MRI1: variants seen among roughly 807,000 people sequenced by gnomAD.
The protein encoded by MRI1 is methylthioribose-1-phosphate isomerase 1, also known as methylthioribose-1-phosphate isomerase.
A neutral mutation model predicts 27.3 loss-of-function variants in MRI1; 32 were observed. The observed-to-expected ratio is 1.17, with a 90% CI of 0.88 to 1.57. MRI1 has a LOEUF of 1.57. MRI1 is among the 40% of genes most tolerant of loss of function. The pLI is 0.00. For synonymous variants in MRI1, 216 were observed against 227.4 expected (o/e 0.95, Z 0.45); for missense variants, 508 against 516.1 (o/e 0.98, Z 0.15).
At chr19:13,766,861 G>C (rs565487993) in intron 3 of MRI1, among the ~76,000 whole-genome samples, 2 of 151,584 alleles carry the variant, frequency 1.3e-5, no homozygotes, top group South Asian at 4.2e-4. Flanking sequence ...GAAGCAGAAG[G>C]AACAGTCAAC....
rs34059821 is a variant in MRI1, at chr19:13,773,382, G to GT, written c.*1102dup. On this transcript the variant is annotated 3_prime_UTR_variant, in exon 6 of 6. Transcript: ENST00000040663. ...AGGCCAGGCTTGGTGGCTCATGCCT[G>GT]TAATTCCAGCACTTTGGGAGGATCC... 0.13 allele frequency: 20,297 copies of GT among 152,082 alleles called. 1,654 individuals are homozygous for GT. The highest frequency in any genetic ancestry group is 0.24 in the East Asian group (1,239 of 5,108). 9.4% of individuals were successfully genotyped at this position (152,082 alleles called of 1,614,324 possible). A position where few individuals can be genotyped will look rare whatever the true frequency, so the allele number is the denominator to read the frequency against.
chr19:13,768,447 G>T (rs142646684), intron 3 of MRI1, 114 bp from the exon 4 acceptor site: 9 of 1,562,948 alleles, frequency 5.8e-6, no homozygotes, highest in Admixed American at 1.9e-5. Context: ...GACTGTGCTC[G>T]GTAAGCCTTT....
chr19:13,768,713 G>A lies in MRI1; in HGVS notation c.700G>A (p.Ala234Thr). 1.2e-6 allele frequency: 2 copies of A among 1,613,752 alleles called. No individual in the cohort carries two copies. Among genetic ancestry groups the A allele is most frequent in the Non-Finnish European group, 1.7e-6 (2 of 1,179,954 alleles). The change falls in exon 4 of 6, where the codon GCC (alanine) becomes ACC (threonine). Residue 234 changes from alanine (A) to threonine (T), a missense_variant. Physicochemically the swap from Ala to Thr is moderately conservative, Grantham distance 58. Around this residue, in one of 3 missense-constraint regions of MRI1, gnomAD observed 457 missense variants for 452.8 expected, o/e 1.01. Transcript: ENST00000040663. ...TATCACCGACAGCATGGTGGCTGCT[G>A]CCATGGCCCATAGGGGCGTGTCAGG... The part of the protein sequence containing the change: ...TLITDSMVAA[A>T]MAHRGVSAVV...
Position 13,772,376 on chromosome 19 carries a change from T to TGTTC in MRI1, c.*96_*99dup. ...TGACCGTCCAGCCCCTGACCACACT[T>TGTTC]GTTCCTAGTGCAGGGAGCTCAGACA... On this transcript the variant is annotated 3_prime_UTR_variant, in exon 6 of 6. Transcript: ENST00000040663. The TGTTC allele has an allele frequency of 8.0e-7, 1 of 1,243,324 alleles. No individual in the cohort carries two copies. The highest frequency in any genetic ancestry group is 1.1e-6 in the Non-Finnish European group (1 of 897,500). The allele number at this position is 1,243,324 out of a possible 1,614,324, so 77.0% of individuals were successfully genotyped here. A position where few individuals can be genotyped will look rare whatever the true frequency, so the allele number is the denominator to read the frequency against.
intron 5 of MRI1, among the ~76,000 whole-genome samples, chr19:13,771,843 G>A (rs927424455): frequency 6.6e-6 from 1 of 152,120 alleles, no homozygotes; most frequent in Non-Finnish European, 1.5e-5. Flanking sequence ...GGCAACAAGA[G>A]CAAAACTACA....
chr19:13,767,005 CCA>C (rs1491277180), intron 3 of MRI1, among the ~76,000 whole-genome samples: 10 of 101,248 alleles, frequency 9.9e-5, no homozygotes, highest in Non-Finnish European at 1.8e-4. Context: ...CTATGCACAT[CCA>C]CATATATATA....
Position 13,773,839 on chromosome 19 carries a change from T to C in MRI1, c.*1558T>C, listed in dbSNP as rs1271172218. On this transcript the variant is annotated 3_prime_UTR_variant, in exon 6 of 6. Transcript: ENST00000040663. The stretch of plus-strand genomic sequence containing the variant: ...TGCCTGGCTAATTTTTGTATTTTTA[T>C]TGGAGACACCATGTTAGTCGTGGCT... 2 of 152,318 alleles carry C rather than the reference T, an allele frequency of 1.3e-5. No individual in the cohort carries two copies. The highest frequency in any genetic ancestry group is 4.8e-5 in the African/African-American group (2 of 41,456). The allele number at this position is 152,318 out of a possible 1,614,324, so 9.4% of individuals were successfully genotyped here. A position where few individuals can be genotyped will look rare whatever the true frequency, so the allele number is the denominator to read the frequency against.
rs1880038393 is a variant in MRI1 at position 13,774,172 on chromosome 19, G to T, written c.*1891G>T. 1 of 305,026 alleles carries T rather than the reference G, an allele frequency of 3.3e-6. No individual in the cohort carries two copies. The highest frequency in any genetic ancestry group is 6.0e-6 in the Non-Finnish European group (1 of 165,870). 18.9% of individuals were successfully genotyped at this position (305,026 alleles called of 1,614,324 possible). On this transcript the variant is annotated 3_prime_UTR_variant, in exon 6 of 6. Coordinates refer to ENST00000040663, the MANE Select transcript of MRI1 (RefSeq NM_001031727.4). Reference sequence around the variant, plus strand: ...GAACCTTCTTAAATTCTGTACCAGAGGTGAGTGCCACACCCTAACCTAGTC... The same window carrying T: ...GAACCTTCTTAAATTCTGTACCAGATGTGAGTGCCACACCCTAACCTAGTC...
In MRI1 at chr19:13,764,725, AGCGGGGCGGCGGGGCGGCGGGGCG is replaced by A. The variant is rs71170559; in HGVS notation, c.132+64_133-64del. ...GAGGCCATCCGCGCCATGAAGGTGC[AGCGGGGCGGCGGGGCGGCGGGGCG>A]GCGGGGCGGCGGGGCGGCGGGGCGG... On this transcript the variant is annotated splice_donor_region_variant and intron_variant, in intron 1 of 5. Transcript: ENST00000040663. 9.6e-3 allele frequency: 11,872 copies of A among 1,233,066 alleles called. 816 individuals are homozygous for A. The highest frequency in any genetic ancestry group is 0.048 in the African/African-American group (2,610 of 53,916). The allele number at this position is 1,233,066 out of a possible 1,614,324, so 76.4% of individuals were successfully genotyped here.
intron 2 of MRI1, among the ~76,000 whole-genome samples, chr19:13,765,752 A>T (rs1316940482): frequency 6.6e-6 from 1 of 152,238 alleles, no homozygotes; most frequent in African/African-American, 2.4e-5. Flanking sequence ...CTGCTGGGTC[A>T]TACCGGAACT....
chr19:13,768,103 C>T (rs1430719703), intron 3 of MRI1, among the ~76,000 whole-genome samples: 2 of 151,878 alleles, frequency 1.3e-5, no homozygotes, highest in East Asian at 1.9e-4. Flanking sequence ...CTCCTGACCT[C>T]GTGATCCATC....
intron 5 of MRI1, among the ~76,000 whole-genome samples, chr19:13,769,275 TGCCTC>T (rs1268080996): frequency 6.6e-6 from 1 of 152,220 alleles, no homozygotes; most frequent in East Asian, 1.9e-4. Flanking sequence ...GCAGTTCTCC[TGCCTC>T]AGCCCCCCAA....
At chr19:13,770,846 G>A (rs892860126) in intron 5 of MRI1, among the ~76,000 whole-genome samples, 2 of 151,836 alleles carry the variant, frequency 1.3e-5, no homozygotes, top group African/African-American at 2.4e-5. Context: ...TAGCGCCACA[G>A]CACTCCAGCC....
At position 13,765,091 on chromosome 19, in the gene MRI1, A is replaced by G; in HGVS notation, c.353A>G (p.Glu118Gly). ...AREAEREGATEEAVRERVICC... is the reference protein window; with the variant it reads ...AREAEREGATGEAVRERVICC... Reference sequence around the variant, plus strand: ...GAGGCCGAACGGGAGGGCGCTACGGAAGAGGCGGTCCGGGAGAGGTACGGG... The same window carrying G: ...GAGGCCGAACGGGAGGGCGCTACGGGAGAGGCGGTCCGGGAGAGGTACGGG... The change falls in exon 2 of 6, where the codon GAA becomes GGA. Residue 118 changes from glutamate (E) to glycine (G), a missense_variant. This residue lies in a region of MRI1 where 457 missense variants were observed against 452.8 expected (regional missense o/e 1.01). Transcript: ENST00000040663. 1 of 1,540,586 alleles carries G rather than the reference A, an allele frequency of 6.5e-7. No homozygotes were observed. Among genetic ancestry groups the G allele is most frequent in the Middle Eastern group, 1.7e-4 (1 of 5,920 alleles).
chr19:13,765,869 A>G lies in MRI1; in HGVS notation c.372-85A>G. The G allele has an allele frequency of 2.1e-6, 3 of 1,444,666 alleles. No individual in the cohort carries two copies. The South Asian group carries it at 4.1e-5, about 20-fold the overall frequency. 89.5% of individuals were successfully genotyped at this position (1,444,666 alleles called of 1,614,324 possible). On this transcript the variant is annotated intron_variant, in intron 2 of 5. Transcript: ENST00000040663. ...GAGAGGCTTTGAGCAGGAGGGCTCC[A>G]GGACAGCAGCGTTAGGCAGAGAGGA... is the stretch of plus-strand genomic sequence containing the variant.
chr19:13,772,076 C>A, intron 5 of MRI1, 45 bp from the exon 6 acceptor site: 1 of 1,552,242 alleles, frequency 6.4e-7, no homozygotes, highest in Non-Finnish European at 8.7e-7. Context: ...AGAACTTTCA[C>A]AGAAGCAAAT....
chr19:13,769,147 C>A, intron 5 of MRI1, 99 bp downstream of exon 5: 1 of 977,612 alleles, frequency 1.0e-6, no homozygotes, highest in Non-Finnish European at 1.5e-6. Flanking sequence ...ACATACACAG[C>A]TCCTACAAGC....
intron 2 of MRI1, 92 bp from the exon 3 acceptor site, chr19:13,765,862 G>A (rs1015708055): frequency 4.3e-5 from 60 of 1,394,362 alleles, no homozygotes; most frequent in Non-Finnish European, 5.8e-5. Flanking sequence ...TTGAGCAGGA[G>A]GGCTCCAGGA....
chr19:13,769,094 T>C (rs756352920), intron 5 of MRI1, 46 bp downstream of exon 5: 1 of 1,491,846 alleles, frequency 6.7e-7, no homozygotes. Flanking sequence ...CCTGGGCACT[T>C]CATGGAGGCA....
Sources: gnomAD v4.1 joint callset for allele counts (sites outside exome capture counted in the v4.1 genomes callset) on GRCh38, gnomAD v4.1.1 for gene constraint, gnomAD v4.1.1 regional missense constraint, MANE v1.5 for transcripts, NCBI Gene and HGNC (gene_info 2026-07-23, HGNC 2026-07-21) for gene names.